The following PCYT1B variants were observed in gnomAD, a reference collection of about 807,000 sequenced individuals.
PCYT1B encodes phosphate cytidylyltransferase 1B, choline, also known as choline-phosphate cytidylyltransferase B.
PCYT1B carries 10 observed loss-of-function variants against 26.4 expected under a neutral mutation model. That is an observed-to-expected ratio of 0.38 (90% CI 0.23 to 0.64). The LOEUF is 0.64. Among genes scored for constraint, PCYT1B ranks in the 30% least tolerant of loss-of-function variants. The pLI, the probability that PCYT1B is intolerant of heterozygous loss-of-function variation, is 0.56. For missense variants in PCYT1B, 161 were observed against 292.7 expected (o/e 0.55, Z 3.28); for synonymous variants, 131 against 108.4 (o/e 1.21, Z -1.29).
chrX:24,642,571 A>G (rs1374176682), intron 1 of PCYT1B, among the ~76,000 whole-genome samples: 1 of 111,973 alleles, frequency 8.9e-6, no homozygotes, highest in Non-Finnish European at 1.9e-5. Context: ...AAACTAATTG[A>G]TTGATTCCAT....
At chrX:24,562,787 G>C (rs1270416967) in intron 7 of PCYT1B, among the ~76,000 whole-genome samples, 5 of 107,347 alleles carry the variant, frequency 4.7e-5, no homozygotes, top group Non-Finnish European at 9.6e-5. Flanking sequence ...GAGTGCAGTG[G>C]CATGATCTTG....
rs1317265587 is a variant in PCYT1B at position 24,646,994 on chromosome X, G to T, written c.112C>A (p.Arg38=). The part of the protein sequence containing the change: ...EEIEHTCPQP[R]LTLTAPAPFA... ...CATCCTTTGTCTTTACTTACCAGTC[G>T]AGGCTGTGGGCATGTGTGCTCTATT... The change falls in exon 1 of 8, where the codon CGA becomes AGA. Residue 38 remains arginine (R), a synonymous_variant. Coordinates refer to ENST00000379144, the MANE Select transcript of PCYT1B (RefSeq NM_004845.5). 2 of 1,203,242 alleles carry T rather than the reference G, an allele frequency of 1.7e-6. No homozygotes were observed. The highest frequency in any genetic ancestry group is 2.2e-6 in the Non-Finnish European group (2 of 889,411).
intron 1 of PCYT1B, among the ~76,000 whole-genome samples, chrX:24,641,937 G>T (rs1012047768): frequency 8.9e-6 from 1 of 112,231 alleles, no homozygotes; most frequent in African/African-American, 3.2e-5. Context: ...CCCAAAATAT[G>T]TATTGGGGTG....
chrX:24,636,384 A>T (rs1926270207), intron 1 of PCYT1B, among the ~76,000 whole-genome samples: 1 of 112,414 alleles, frequency 8.9e-6, no homozygotes, highest in African/African-American at 3.2e-5. Flanking sequence ...AGGCCGAGGC[A>T]GGTGGATCAC....
In PCYT1B at chrX:24,560,534, G is replaced by A. The variant is rs1923371270; in HGVS notation, c.*1759C>T. On this transcript the variant is annotated 3_prime_UTR_variant, in exon 8 of 8. Coordinates refer to ENST00000379144, the MANE Select transcript of PCYT1B (RefSeq NM_004845.5). ...CTCTGTCCCATATGAGTGCTTCCCA[G>A]AGTCCTGGAGAAGGAAAGTGCCAAG... The A allele has an allele frequency of 8.9e-6, 1 of 112,142 alleles. No individual in the cohort carries two copies. The highest frequency in any genetic ancestry group is 1.9e-5 in the Non-Finnish European group (1 of 53,202). 9.2% of individuals were successfully genotyped at this position (112,142 alleles called of 1,213,427 possible). A position where few individuals can be genotyped will look rare whatever the true frequency, so the allele number is the denominator to read the frequency against.
intron 1 of PCYT1B, among the ~76,000 whole-genome samples, chrX:24,639,791 G>A (rs1926406979): frequency 9.0e-6 from 1 of 111,047 alleles, no homozygotes; most frequent in Non-Finnish European, 1.9e-5. Flanking sequence ...ACTACAGTGG[G>A]AGAGGTGTCT....
chrX:24,573,800 AG>A (rs1265253857), intron 7 of PCYT1B, among the ~76,000 whole-genome samples: 1 of 111,273 alleles, frequency 9.0e-6, no homozygotes, highest in Non-Finnish European at 1.9e-5. Context: ...AATTTTTAAC[AG>A]GCCTGGGGAA....
chrX:24,587,111 G>A (rs964546988), intron 5 of PCYT1B, 130 bp downstream of exon 5: 9 of 470,883 alleles, frequency 1.9e-5, no homozygotes, highest in Admixed American at 1.2e-4. Flanking sequence ...TGTAGAAGCC[G>A]CCTGGGGGAC....
intron 6 of PCYT1B, among the ~76,000 whole-genome samples, chrX:24,578,716 T>A (rs760230209): frequency 8.0e-5 from 9 of 111,870 alleles, no homozygotes; most frequent in Non-Finnish European, 1.3e-4. Context: ...CATTGCCTCT[T>A]CCCTCCTCCC....
At chrX:24,578,711 C>G (rs1424158485) in intron 6 of PCYT1B, among the ~76,000 whole-genome samples, 2 of 111,644 alleles carry the variant, frequency 1.8e-5, no homozygotes, top group African/African-American at 6.5e-5. Context: ...GCTTTCATTG[C>G]CTCTTCCCTC....
At chrX:24,598,644 T>C (rs905633752) in intron 3 of PCYT1B, among the ~76,000 whole-genome samples, 2 of 112,144 alleles carry the variant, frequency 1.8e-5, no homozygotes, top group African/African-American at 6.5e-5. Context: ...TGCATTGATT[T>C]ATTGTCTTGT....
intron 1 of PCYT1B, among the ~76,000 whole-genome samples, chrX:24,641,764 C>T (rs755967796): frequency 1.4e-4 from 16 of 112,034 alleles, no homozygotes; most frequent in South Asian, 3.7e-4. Flanking sequence ...ATTAATTTCA[C>T]CTTTTTTAAC....
At chrX:24,577,183 G>A (rs764413123) in intron 6 of PCYT1B, among the ~76,000 whole-genome samples, 39 of 111,088 alleles carry the variant, frequency 3.5e-4, no homozygotes, top group South Asian at 3.1e-3. Flanking sequence ...CTGGGTGACT[G>A]ACTGGCATCA....
At chrX:24,662,723 C>T (rs1329596767) in intron 1 of PCYT1B, among the ~76,000 whole-genome samples, 2 of 111,750 alleles carry the variant, frequency 1.8e-5, no homozygotes, top group East Asian at 2.8e-4. Flanking sequence ...CCTCCCAGTA[C>T]AAAGTTACAG....
At chrX:24,623,032 A>C in intron 1 of PCYT1B, among the ~76,000 whole-genome samples, 1 of 111,846 alleles carries the variant, frequency 8.9e-6, no homozygotes, top group African/African-American at 3.2e-5. Flanking sequence ...TTATTAGCAC[A>C]TGATACATGT....
At chrX:24,565,259 C>T (rs946631464) in intron 7 of PCYT1B, among the ~76,000 whole-genome samples, 5 of 111,587 alleles carry the variant, frequency 4.5e-5, no homozygotes, top group Non-Finnish European at 9.4e-5. Flanking sequence ...CAGTTCAATC[C>T]TTTGATACAA....
At chrX:24,629,585 A>C (rs1041403385) in intron 1 of PCYT1B, among the ~76,000 whole-genome samples, 4 of 100,610 alleles carry the variant, frequency 4.0e-5, no homozygotes, top group African/African-American at 1.1e-4. Context: ...AAAAAAAAAA[A>C]AAAAACAACA....
chrX:24,672,230 A>T (rs1395613231), intron 1 of PCYT1B, among the ~76,000 whole-genome samples: 1 of 112,438 alleles, frequency 8.9e-6, no homozygotes, highest in African/African-American at 3.2e-5. Flanking sequence ...TTCTCATTTC[A>T]TAGGATAAAG....
intron 2 of PCYT1B, among the ~76,000 whole-genome samples, chrX:24,618,426 T>C (rs1429385586): frequency 9.0e-6 from 1 of 111,727 alleles, no homozygotes; most frequent in African/African-American, 3.3e-5. Context: ...TGCCCAAGGC[T>C]GTAGAACTAA....
Sources: gnomAD v4.1 joint callset for allele counts (sites outside exome capture counted in the v4.1 genomes callset) on GRCh38, gnomAD v4.1.1 for gene constraint, MANE v1.5 for transcripts, NCBI Gene and HGNC (gene_info 2026-07-23, HGNC 2026-07-21) for gene names.